The following MOSMO variants were observed in gnomAD, a reference collection of about 807,000 sequenced individuals.
The protein encoded by MOSMO is modulator of smoothened protein.
In MOSMO, 5 loss-of-function variants were observed where a neutral mutation model predicts 18.4. The ratio of observed to expected loss-of-function variants is 0.27; its 90% CI spans 0.14 to 0.57. MOSMO has a LOEUF of 0.57. Ranked by LOEUF, MOSMO falls within the 20% of genes least tolerant of loss-of-function variation. The pLI is 0.92. For missense variants in MOSMO, 138 were observed against 211.8 expected, an observed-to-expected ratio of 0.65 and a Z score of 2.16; for synonymous variants, 82 against 82.3, an observed-to-expected ratio of 1.00 and a Z score of 0.02.
intron 1 of MOSMO, among the ~76,000 whole-genome samples, chr16:22,034,733 TG>T (rs1424299194): frequency 2.0e-5 from 3 of 149,398 alleles, no homozygotes; most frequent in Non-Finnish European, 4.4e-5. Flanking sequence ...TTTTTTTGTT[TG>T]TTTTTTTGGG....
At chr16:22,062,651 T>C (rs1207642097) in intron 1 of MOSMO, among the ~76,000 whole-genome samples, 2 of 152,136 alleles carry the variant, frequency 1.3e-5, no homozygotes, top group Non-Finnish European at 2.9e-5. Context: ...TATATCGACA[T>C]AGCAACACAT....
intron 1 of MOSMO, among the ~76,000 whole-genome samples, chr16:22,063,627 C>T (rs760590264): frequency 4.6e-5 from 7 of 152,158 alleles, no homozygotes; most frequent in South Asian, 4.2e-4. Context: ...GAGAATAAAC[C>T]GAGAGCAGGG....
chr16:22,016,661 C>T (rs529479649), intron 1 of MOSMO, among the ~76,000 whole-genome samples: 1 of 152,258 alleles, frequency 6.6e-6, no homozygotes, highest in East Asian at 1.9e-4. Flanking sequence ...AAATGGCACA[C>T]GGGCTTTGGG....
intron 1 of MOSMO, among the ~76,000 whole-genome samples, chr16:22,022,945 T>G (rs1204942157): frequency 1.3e-5 from 2 of 152,174 alleles, no homozygotes; most frequent in Non-Finnish European, 2.9e-5. Context: ...CCAAATGGAC[T>G]AAGACAGTAA....
intron 2 of MOSMO, among the ~76,000 whole-genome samples, chr16:22,079,457 C>A (rs1901036039): frequency 6.6e-6 from 1 of 152,212 alleles, no homozygotes; most frequent in Admixed American, 6.5e-5. Context: ...TTTGTGTTCA[C>A]TAAGAAGACC....
At chr16:22,038,603 TAGAG>T (rs1191270882) in intron 1 of MOSMO, among the ~76,000 whole-genome samples, 2 of 152,142 alleles carry the variant, frequency 1.3e-5, no homozygotes, top group East Asian at 3.8e-4. Flanking sequence ...CTGTGACTTA[TAGAG>T]ATAACAAGAA....
chr16:22,043,754 G>C (rs75642624), intron 1 of MOSMO, among the ~76,000 whole-genome samples: 11,716 of 152,176 alleles, frequency 0.077, 633 homozygotes, highest in South Asian at 0.25. Context: ...TATACCAGCA[G>C]TTGAATTTAT....
chr16:22,042,371 C>T (rs2044364399), intron 1 of MOSMO, among the ~76,000 whole-genome samples: 1 of 152,200 alleles, frequency 6.6e-6, no homozygotes, highest in Non-Finnish European at 1.5e-5. Context: ...ATAATTCATC[C>T]TGGCTCCATC....
chr16:22,030,657 G>A (rs1899975542), intron 1 of MOSMO, among the ~76,000 whole-genome samples: 1 of 152,056 alleles, frequency 6.6e-6, no homozygotes, highest in South Asian at 2.1e-4. Flanking sequence ...AACCTCCCAA[G>A]TAGCTGGTAT....
chr16:22,071,734 G>C (rs1270161163), intron 1 of MOSMO, among the ~76,000 whole-genome samples: 1 of 152,096 alleles, frequency 6.6e-6, no homozygotes, highest in Non-Finnish European at 1.5e-5. Context: ...TATTTGGCTG[G>C]GTTAGTTACC....
At chr16:22,069,268 C>G (rs140459810) in intron 1 of MOSMO, among the ~76,000 whole-genome samples, 28 of 152,080 alleles carry the variant, frequency 1.8e-4, no homozygotes, top group African/African-American at 6.3e-4. Context: ...TATATGAGGG[C>G]CTGGGGTGTG....
chr16:22,047,864 AAC>A (rs1373791471), intron 1 of MOSMO, among the ~76,000 whole-genome samples: 5 of 152,060 alleles, frequency 3.3e-5, no homozygotes, highest in African/African-American at 1.2e-4. Flanking sequence ...ATTTACATCT[AAC>A]AGTTACAGCC....
chr16:22,036,068 A>G (rs1900102323), intron 1 of MOSMO, among the ~76,000 whole-genome samples: 2 of 152,212 alleles, frequency 1.3e-5, no homozygotes, highest in Admixed American at 1.3e-4. Context: ...TACCTCCAGT[A>G]CATGTCGAAT....
chr16:22,008,864 G>A (rs965424342), intron 1 of MOSMO, among the ~76,000 whole-genome samples: 1 of 152,176 alleles, frequency 6.6e-6, no homozygotes, highest in Non-Finnish European at 1.5e-5. Flanking sequence ...GGGGCAGTGC[G>A]GGAGCCACTA....
intron 1 of MOSMO, among the ~76,000 whole-genome samples, chr16:22,039,194 A>G (rs1900165354): frequency 6.6e-6 from 1 of 152,222 alleles, no homozygotes; most frequent in Non-Finnish European, 1.5e-5. Flanking sequence ...TGGGAATTAA[A>G]TGGACAAGTG....
intron 1 of MOSMO, among the ~76,000 whole-genome samples, chr16:22,018,531 A>G (rs1438001634): frequency 6.6e-6 from 1 of 152,232 alleles, no homozygotes; most frequent in Non-Finnish European, 1.5e-5. Flanking sequence ...AATATTTTAA[A>G]AATCTTCCCA....
At chr16:22,024,447 C>T (rs555540656) in intron 1 of MOSMO, among the ~76,000 whole-genome samples, 1 of 151,850 alleles carries the variant, frequency 6.6e-6, no homozygotes, top group African/African-American at 2.4e-5. Context: ...TCACTGCCAC[C>T]TCCACCTCCA....
downstream of MOSMO, among the ~76,000 whole-genome samples, chr16:22,089,673 A>G (rs1047835848): frequency 4.0e-5 from 5 of 123,492 alleles, no homozygotes; most frequent in Middle Eastern, 4.8e-3. Flanking sequence ...GTTACTGCTG[A>G]GACATCAGTT....
intron 1 of MOSMO, among the ~76,000 whole-genome samples, chr16:22,054,844 T>C (rs2141751651): frequency 6.6e-6 from 1 of 152,260 alleles, no homozygotes; most frequent in South Asian, 2.1e-4. Flanking sequence ...GATTTTTTTT[T>C]CACATTTTCA....
Sources: gnomAD v4.1 joint callset for allele counts (sites outside exome capture counted in the v4.1 genomes callset) on GRCh38, gnomAD v4.1.1 for gene constraint, MANE v1.5 for transcripts, NCBI Gene and HGNC (gene_info 2026-07-23, HGNC 2026-07-21) for gene names.